The following RBBP7 variants were observed in gnomAD, a reference collection of about 807,000 sequenced individuals.
RBBP7 encodes the protein RB binding protein 7, chromatin remodeling factor.
In RBBP7, 5 loss-of-function variants were observed where a neutral mutation model predicts 35.2. That is an observed-to-expected ratio of 0.14 (90% confidence interval 0.07 to 0.30). The LOEUF is 0.30. RBBP7 is among the 10% of genes least tolerant of loss of function. The probability of loss-of-function intolerance (pLI) is 1.00; values close to 1 mark genes in which losing one functional copy is unlikely to be tolerated. For synonymous variants in RBBP7, 140 were observed against 118.7 expected, an observed-to-expected ratio of 1.18 and a Z score of -1.17; for missense variants, 155 against 327.5, an observed-to-expected ratio of 0.47 and a Z score of 4.07.
intron 10 of RBBP7, chrX:16,848,225 G>A (rs969726444): frequency 9.0e-6 from 1 of 110,833 alleles, no homozygotes; most frequent in Non-Finnish European, 1.9e-5. Flanking sequence ...TGTGGTGATA[G>A]TTTTACAAGT....
At chrX:16,866,751 A>C (rs1345345390) in intron 2 of RBBP7, among the ~76,000 whole-genome samples, 1 of 109,879 alleles carries the variant, frequency 9.1e-6, no homozygotes. Flanking sequence ...CATTGAGAAT[A>C]GTCAACATTT....
chrX:16,857,551 A>C (rs760684732), intron 5 of RBBP7, 43 bp downstream of exon 5: 2 of 1,206,952 alleles, frequency 1.7e-6, no homozygotes, highest in Non-Finnish European at 2.2e-6. Context: ...GTGACACGTC[A>C]GCTCTCACTA....
At chrX:16,865,063 CAAAAAAAAAAAAAA>C (rs34381419) in intron 2 of RBBP7, among the ~76,000 whole-genome samples, 3 of 24,554 alleles carry the variant, frequency 1.2e-4, no homozygotes, top group South Asian at 3.0e-3. Flanking sequence ...GACCCTGTCT[CAAAAAAAAAAAAAA>C]AAAAAAAAAA....
Position 16,844,933 on chromosome X carries a change from A to AC in RBBP7, c.*101dup, listed in dbSNP as rs1930034171. The AC allele has an allele frequency of 5.8e-6, 4 of 695,171 alleles. No individual in the cohort carries two copies. The highest frequency in any genetic ancestry group is 2.1e-5 in the African/African-American group (1 of 47,425). 57.3% of individuals were successfully genotyped at this position (695,171 alleles called of 1,213,427 possible). On this transcript the variant is annotated 3_prime_UTR_variant, in exon 12 of 12. Transcript: ENST00000380087. Reference sequence around the variant, plus strand: ...TCAGAGGATAAAGAAGCCATAAGCCACCCCACTTACATTTCCTACTATACA... The same window carrying AC: ...TCAGAGGATAAAGAAGCCATAAGCCACCCCCACTTACATTTCCTACTATACA...
intron 2 of RBBP7, among the ~76,000 whole-genome samples, chrX:16,865,500 C>G (rs1365659643): frequency 8.9e-6 from 1 of 111,832 alleles, no homozygotes; most frequent in African/African-American, 3.3e-5. Context: ...TTTAATTATT[C>G]CAGTTTTCCC....
At chrX:16,857,898 C>T (rs1476526344) in intron 4 of RBBP7, among the ~76,000 whole-genome samples, 189 bp from the exon 5 acceptor site, 1 of 111,178 alleles carries the variant, frequency 9.0e-6, no homozygotes, top group East Asian at 2.8e-4. Context: ...TAATACTATC[C>T]CCAACACAAA....
At chrX:16,858,655 C>T in intron 4 of RBBP7, 21 bp downstream of exon 4, 2 of 1,203,399 alleles carry the variant, frequency 1.7e-6, no homozygotes, top group Non-Finnish European at 2.2e-6. Context: ...CAAGTAATGA[C>T]CTAACTCTAT....
chrX:16,846,123 G>GGTGACAGAATAT (rs1432079151), intron 10 of RBBP7, 185 bp from the exon 11 acceptor site: 2 of 694,477 alleles, frequency 2.9e-6, no homozygotes, highest in African/African-American at 4.4e-5. Flanking sequence ...CTCCAGAATA[G>GGTGACAGAATAT]GTGACAGAAT....
chrX:16,852,941 C>T, intron 6 of RBBP7, 66 bp from the exon 7 acceptor site: 1 of 1,201,653 alleles, frequency 8.3e-7, no homozygotes, highest in Admixed American at 2.2e-5. Flanking sequence ...CCTCACATCA[C>T]TGTCACTGCA....
intron 3 of RBBP7, among the ~76,000 whole-genome samples, chrX:16,861,031 G>A (rs775946326): frequency 1.8e-4 from 20 of 110,732 alleles, no homozygotes; most frequent in Non-Finnish European, 3.2e-4. Flanking sequence ...AAAATTAGCC[G>A]GGCATGGTGG....
chrX:16,853,460 A>C (rs1434173668), intron 6 of RBBP7: 4 of 291,788 alleles, frequency 1.4e-5, no homozygotes, highest in Non-Finnish European at 2.3e-5. Flanking sequence ...ATACCCAACT[A>C]ATTTTTTGTT....
At chrX:16,853,587 CTT>C in intron 6 of RBBP7, 93 bp downstream of exon 6, 3 of 868,023 alleles carry the variant, frequency 3.5e-6, no homozygotes, top group Admixed American at 4.3e-5. Context: ...AAAGCCATAA[CTT>C]AAAAAAAAAA....
Position 16,870,121 on chromosome X carries a change from C to CTCT in RBBP7, c.-69_-68insAGA, listed in dbSNP as rs1930747916. On this transcript the variant is annotated 5_prime_UTR_variant, in exon 1 of 12. Transcript: ENST00000380087. The stretch of plus-strand genomic sequence containing the variant: ...TCTCGTTAGCCAAGAGCAGCCCGAC[C>CTCT]GCTGGCGCTCCTGCCTTTCCCAAGC... 1 of 1,038,888 alleles carries CTCT rather than the reference C, an allele frequency of 9.6e-7. No individual in the cohort carries two copies. The highest frequency in any genetic ancestry group is 2.0e-5 in the African/African-American group (1 of 50,303). 85.6% of individuals were successfully genotyped at this position (1,038,888 alleles called of 1,213,427 possible).
chrX:16,845,058 C>T lies in RBBP7; in HGVS notation c.1255G>A (p.Glu419Lys). Residue 419 changes from glutamate to lysine, a missense_variant, in exon 12 of 12, where the codon GAA becomes AAA. By Grantham distance (56) the Glu-to-Lys change is moderately conservative. Around this residue, in one of 3 missense-constraint regions of RBBP7, gnomAD observed 17 missense variants for 16.3 expected, o/e 1.04. Coordinates refer to ENST00000380087, the MANE Select transcript of RBBP7 (RefSeq NM_002893.4). ...NDEESDVTTS[E>K]LEGQGS ...GTTTAAGATCCTTGTCCCTCCAGTTCGGATGTCGTGACATCTGACTCTTCA... is the reference window on the plus strand; with the variant it reads ...GTTTAAGATCCTTGTCCCTCCAGTTTGGATGTCGTGACATCTGACTCTTCA... 1.7e-6 allele frequency: 2 copies of T among 1,209,459 alleles called. No individual in the cohort carries two copies. The highest frequency in any genetic ancestry group is 1.1e-6 in the Non-Finnish European group (1 of 893,708).
At chrX:16,852,313 G>C (rs1423532392) in intron 8 of RBBP7, 191 bp from the exon 9 acceptor site, 3 of 506,135 alleles carry the variant, frequency 5.9e-6, no homozygotes, top group African/African-American at 2.4e-5. Flanking sequence ...CAGGAAGGCT[G>C]CACTCCCCAG....
At chrX:16,867,905 G>C (rs1930666449) in intron 2 of RBBP7, among the ~76,000 whole-genome samples, 1 of 105,651 alleles carries the variant, frequency 9.5e-6, no homozygotes, top group South Asian at 4.2e-4. Context: ...GGCTGGTTTT[G>C]AACTCCTGAG....
At chrX:16,852,244 C>A (rs1391629452) in intron 8 of RBBP7, 122 bp from the exon 9 acceptor site, 17 of 667,339 alleles carry the variant, frequency 2.5e-5, no homozygotes, top group Non-Finnish European at 4.0e-5. Context: ...GCCTGATGGC[C>A]TCACTCTCTT....
chrX:16,853,871 A>G, intron 5 of RBBP7, 29 bp from the exon 6 acceptor site: 2 of 1,051,910 alleles, frequency 1.9e-6, no homozygotes, highest in Non-Finnish European at 2.5e-6. Flanking sequence ...AAAAAAAAAG[A>G]ACAAGGGCTA....
chrX:16,853,908 C>G (rs1188281037), intron 5 of RBBP7, 66 bp from the exon 6 acceptor site: 111 of 890,962 alleles, frequency 1.2e-4, no homozygotes, highest in Non-Finnish European at 1.6e-4. Context: ...TTTTTTTTCC[C>G]TCGAGACAGT....
Sources: gnomAD v4.1 joint callset for allele counts (sites outside exome capture counted in the v4.1 genomes callset) on GRCh38, gnomAD v4.1.1 for gene constraint, gnomAD v4.1.1 regional missense constraint, MANE v1.5 for transcripts, NCBI Gene and HGNC (gene_info 2026-07-23, HGNC 2026-07-21) for gene names.